Variants in GABRA3 observed in about 807,000 individuals in gnomAD.
GABRA3 encodes the protein gamma-aminobutyric acid type A receptor subunit alpha3.
In GABRA3, 10 loss-of-function variants were observed where a neutral mutation model predicts 30.1. That is an observed-to-expected ratio of 0.33 (90% confidence interval 0.20 to 0.56). The LOEUF is 0.56. GABRA3 is among the 20% of genes least tolerant of loss of function. The pLI is 0.89. For synonymous variants in GABRA3, 151 were observed against 146.8 expected (o/e 1.03, Z -0.21); for missense variants, 233 against 392.0 (o/e 0.59, Z 3.42).
chrX:152,229,764 A>G (rs1044468771), intron 5 of GABRA3, among the ~76,000 whole-genome samples: 9 of 111,220 alleles, frequency 8.1e-5, no homozygotes, highest in Non-Finnish European at 5.7e-5. Flanking sequence ...TGAGTGAAAT[A>G]TAGAGGCACT....
intron 1 of GABRA3, chrX:152,394,354 A>G (rs986510654): frequency 1.1e-5 from 4 of 375,045 alleles, no homozygotes; most frequent in African/African-American, 1.0e-4. Context: ...CCAGATTTTA[A>G]AACAGAGCAG....
chrX:152,347,257 T>C (rs1228061717), intron 2 of GABRA3, among the ~76,000 whole-genome samples: 1 of 111,869 alleles, frequency 8.9e-6, no homozygotes, highest in Non-Finnish European at 1.9e-5. Context: ...AAAAATTGCA[T>C]GCTGTCATTT....
intron 6 of GABRA3, among the ~76,000 whole-genome samples, chrX:152,213,862 G>T (rs1011418924): frequency 1.8e-5 from 2 of 111,694 alleles, no homozygotes; most frequent in African/African-American, 6.5e-5. Flanking sequence ...GTGTATTTTG[G>T]TGCTTTTGTC....
chrX:152,405,306 C>CA (rs1182138088), intron 1 of GABRA3, among the ~76,000 whole-genome samples: 7,256 of 33,372 alleles, frequency 0.22, 1,383 homozygotes, highest in African/African-American at 0.48. Context: ...CGCACCCTTG[C>CA]AAAAAAAAAA....
chrX:152,282,442 C>T (rs772470859), intron 4 of GABRA3, among the ~76,000 whole-genome samples: 1 of 111,557 alleles, frequency 9.0e-6, no homozygotes, highest in African/African-American at 3.3e-5. Context: ...TCTCAAAACA[C>T]CCGAAATATG....
Position 152,167,059 on chromosome X carries a change from C to T in GABRA3, c.*1169G>A, listed in dbSNP as rs992927384. On this transcript the variant is annotated 3_prime_UTR_variant, in exon 10 of 10. Coordinates refer to ENST00000370314, the MANE Select transcript of GABRA3 (RefSeq NM_000808.4). ...GCAATAAAGTTAATGATCTAGTTGA[C>T]TCAATATTGACTAGAGATATTTATT... 2.7e-5 allele frequency: 3 copies of T among 111,796 alleles called. No homozygotes were observed. The highest frequency in any genetic ancestry group is 3.8e-5 in the Non-Finnish European group (2 of 53,214). 9.2% of individuals were successfully genotyped at this position (111,796 alleles called of 1,213,427 possible). A position where few individuals can be genotyped will look rare whatever the true frequency, so the allele number is the denominator to read the frequency against.
At chrX:152,440,095 A>T (rs1317571424) in intron 1 of GABRA3, among the ~76,000 whole-genome samples, 2 of 112,146 alleles carry the variant, frequency 1.8e-5, no homozygotes, top group African/African-American at 6.5e-5. Context: ...CAACCTACAG[A>T]ATGGGAGAAA....
intron 1 of GABRA3, among the ~76,000 whole-genome samples, chrX:152,419,172 T>A (rs945294634): frequency 3.6e-5 from 4 of 110,512 alleles, no homozygotes; most frequent in Non-Finnish European, 5.7e-5. Flanking sequence ...GGATAGCATT[T>A]GGAGATATAC....
intron 5 of GABRA3, among the ~76,000 whole-genome samples, chrX:152,248,190 C>A (rs1301020667): frequency 1.8e-5 from 2 of 109,245 alleles, no homozygotes; most frequent in African/African-American, 3.4e-5. Context: ...CAGAATGCAA[C>A]CAGGGATTTC....
chrX:152,447,860 CA>C (rs1931125796), intron 1 of GABRA3, among the ~76,000 whole-genome samples: 1 of 111,683 alleles, frequency 9.0e-6, no homozygotes, highest in Non-Finnish European at 1.9e-5. Context: ...CCAGTGCACT[CA>C]AAATGTAGCC....
intron 3 of GABRA3, among the ~76,000 whole-genome samples, chrX:152,298,155 C>A (rs1230312504): frequency 8.9e-6 from 1 of 111,865 alleles, no homozygotes; most frequent in African/African-American, 3.3e-5. Context: ...GTAGAAAAAC[C>A]ACTAATATAG....
At chrX:152,319,458 G>A (rs1408273271) in intron 3 of GABRA3, among the ~76,000 whole-genome samples, 2 of 111,569 alleles carry the variant, frequency 1.8e-5, no homozygotes, top group African/African-American at 6.5e-5. Context: ...CACAAAGCAA[G>A]CAAAAACATA....
intron 3 of GABRA3, among the ~76,000 whole-genome samples, chrX:152,285,052 T>A (rs989829991): frequency 4.5e-5 from 5 of 111,786 alleles, no homozygotes; most frequent in African/African-American, 6.5e-5. Flanking sequence ...AGGTTACAAA[T>A]GTTGCAATAT....
intron 7 of GABRA3, among the ~76,000 whole-genome samples, chrX:152,201,781 C>T (rs1451909101): frequency 8.9e-6 from 1 of 111,935 alleles, no homozygotes; most frequent in African/African-American, 3.2e-5. Flanking sequence ...TTCCCTCTCT[C>T]TATCTCTACT....
chrX:152,226,785 C>T (rs1315013376), intron 5 of GABRA3, among the ~76,000 whole-genome samples: 1 of 112,006 alleles, frequency 8.9e-6, no homozygotes, highest in African/African-American at 3.2e-5. Flanking sequence ...TGAAAAAATG[C>T]TCATCATCCC....
chrX:152,201,578 C>T (rs1283349392), intron 7 of GABRA3, among the ~76,000 whole-genome samples: 1 of 111,591 alleles, frequency 9.0e-6, no homozygotes, highest in Non-Finnish European at 1.9e-5. Flanking sequence ...GAATTTTCTC[C>T]TGCCTTTGCA....
rs1936948456 is a variant in GABRA3 at position 152,167,299 on chromosome X, G to A, written c.*929C>T. ...CAAACCTCTTACCCAATCCAGTATA[G>A]GCTAGTTGCCTTGGCAGGGAGGTGA... On this transcript the variant is annotated 3_prime_UTR_variant, in exon 10 of 10. Coordinates refer to ENST00000370314, the MANE Select transcript of GABRA3 (RefSeq NM_000808.4). 8.9e-6 allele frequency: 1 copy of A among 111,869 alleles called. No homozygotes were observed. The highest frequency in any genetic ancestry group is 1.9e-5 in the Non-Finnish European group (1 of 53,239). 9.2% of individuals were successfully genotyped at this position (111,869 alleles called of 1,213,427 possible).
At chrX:152,359,667 G>T (rs925063514) in intron 2 of GABRA3, among the ~76,000 whole-genome samples, 8 of 110,796 alleles carry the variant, frequency 7.2e-5, no homozygotes, top group Admixed American at 3.9e-4. Flanking sequence ...TGAGATCTGT[G>T]TAACTTTTTG....
intron 3 of GABRA3, among the ~76,000 whole-genome samples, chrX:152,331,483 G>A (rs995088303): frequency 1.8e-5 from 2 of 111,507 alleles, no homozygotes; most frequent in Admixed American, 9.5e-5. Context: ...AGTGTTCTGC[G>A]ATGCAGAGTA....
Sources: allele counts gnomAD v4.1 joint callset (sites outside exome capture counted in the v4.1 genomes callset), GRCh38; gene constraint gnomAD v4.1.1; transcripts MANE v1.5; gene names NCBI Gene and HGNC (gene_info 2026-07-23, HGNC 2026-07-21).